PKP1: variants seen among roughly 807,000 people sequenced by gnomAD.
PKP1 encodes plakophilin-1.
Under a neutral mutation model 76.4 loss-of-function variants are expected in PKP1, and 27 were observed. The observed-to-expected ratio is 0.35, with a 90% CI of 0.26 to 0.49. PKP1 has a LOEUF of 0.49. Among genes scored for constraint, PKP1 ranks in the 20% least tolerant of loss-of-function variants. The pLI is 0.99. For missense variants in PKP1, 964 were observed against 955.2 expected, an observed-to-expected ratio of 1.01 and a Z score of -0.12; for synonymous variants, 404 against 384.2, an observed-to-expected ratio of 1.05 and a Z score of -0.60.
At chr1:201,308,344 C>CTCACAG (rs917551780) in intron 2 of PKP1, among the ~76,000 whole-genome samples, 10 of 152,356 alleles carry the variant, frequency 6.6e-5, no homozygotes, top group Admixed American at 5.9e-4. Context: ...AGCACAAATT[C>CTCACAG]TCACAGTCAC....
intron 12 of PKP1, 137 bp downstream of exon 12, chr1:201,325,975 T>C (rs1260668917): frequency 2.9e-6 from 2 of 694,570 alleles, no homozygotes; most frequent in Non-Finnish European, 5.3e-6. Context: ...AAAGACAGCG[T>C]CTACGTGAAA....
intron 1 of PKP1, among the ~76,000 whole-genome samples, chr1:201,285,077 G>A (rs981245474): frequency 6.6e-6 from 1 of 152,254 alleles, no homozygotes; most frequent in African/African-American, 2.4e-5. Flanking sequence ...GCTAAGTTTA[G>A]TAAAATGCTA....
chr1:201,293,929 C>A lies in PKP1; in HGVS notation c.203-13C>A. 6.3e-7 allele frequency: 1 copy of A among 1,586,458 alleles called. No individual in the cohort carries two copies. Among genetic ancestry groups the A allele is most frequent in the South Asian group, 1.1e-5 (1 of 89,298 alleles). ...TGGCCATCCCTGTCCTAATCCCCTCCTTTCTCCTCTAGGTTCCATGTATGA... is the reference window on the plus strand; with the variant it reads ...TGGCCATCCCTGTCCTAATCCCCTCATTTCTCCTCTAGGTTCCATGTATGA... On this transcript the variant is annotated splice_polypyrimidine_tract_variant and intron_variant, in intron 1 of 13. Transcript: ENST00000367324.
At chr1:201,297,348 C>T (rs938456804) in intron 2 of PKP1, among the ~76,000 whole-genome samples, 5 of 152,106 alleles carry the variant, frequency 3.3e-5, no homozygotes, top group Non-Finnish European at 7.3e-5. Context: ...AACCTCAGAG[C>T]CCCACAGACC....
At chr1:201,298,320 T>C (rs1452158906) in intron 2 of PKP1, among the ~76,000 whole-genome samples, 1 of 152,172 alleles carries the variant, frequency 6.6e-6, no homozygotes, top group African/African-American at 2.4e-5. Flanking sequence ...CTTGATCACA[T>C]GGGTTTGTCC....
intron 3 of PKP1, among the ~76,000 whole-genome samples, chr1:201,314,277 A>C (rs1453881614): frequency 1.3e-5 from 2 of 152,186 alleles, no homozygotes; most frequent in African/African-American, 2.4e-5. Flanking sequence ...CCTGAACAAC[A>C]TGATGAAACC....
chr1:201,300,197 G>A (rs1656186508), intron 2 of PKP1, among the ~76,000 whole-genome samples: 1 of 152,268 alleles, frequency 6.6e-6, no homozygotes, highest in African/African-American at 2.4e-5. Flanking sequence ...GTGAGCGGGA[G>A]CGGGCGGGCC....
Position 201,323,560 on chromosome 1 carries a change from G to A in PKP1, c.1680+371G>A, listed in dbSNP as rs571366578. 1.4e-4 allele frequency among the ~76,000 whole-genome samples: 22 copies of A among 152,332 alleles called. No individual in the cohort carries two copies. The South Asian group carries it at 1.4e-3, about 10-fold the overall frequency. ...TGTTGAACTGACAAAGGTGGAAAAAGAGGGTTTGGGGTCCAAGCAGGTCCA... is the reference window on the plus strand; with the variant it reads ...TGTTGAACTGACAAAGGTGGAAAAAAAGGGTTTGGGGTCCAAGCAGGTCCA... On this transcript the variant is annotated intron_variant, in intron 9 of 13. Coordinates refer to ENST00000367324, the MANE Select transcript of PKP1 (RefSeq NM_001005337.3).
intron 1 of PKP1, among the ~76,000 whole-genome samples, chr1:201,286,955 T>C (rs1655759263): frequency 6.6e-6 from 1 of 152,236 alleles, no homozygotes; most frequent in South Asian, 2.1e-4. Flanking sequence ...TCACTTGCCC[T>C]AACCCAAGCG....
chr1:201,294,122 C>T, intron 2 of PKP1, 77 bp downstream of exon 2: 1 of 950,122 alleles, frequency 1.1e-6, no homozygotes. Context: ...AGAAAACCGG[C>T]ACCAGTTGCT....
At chr1:201,304,949 T>A (rs931471603) in intron 2 of PKP1, among the ~76,000 whole-genome samples, 1 of 152,196 alleles carries the variant, frequency 6.6e-6, no homozygotes, top group African/African-American at 2.4e-5. Context: ...TGGGAGATAA[T>A]CACAAGGTGA....
chr1:201,285,220 C>CCACACACACACACACACACACACA (rs140683611), intron 1 of PKP1, among the ~76,000 whole-genome samples: 1 of 136,756 alleles, frequency 7.3e-6, no homozygotes, highest in Non-Finnish European at 1.6e-5. Flanking sequence ...GGCCCTTCCA[C>CCACACACACACACACACACACACA]CACACACACA....
intron 2 of PKP1, among the ~76,000 whole-genome samples, chr1:201,297,985 T>C (rs1656122705): frequency 6.6e-6 from 1 of 152,242 alleles, no homozygotes; most frequent in African/African-American, 2.4e-5. Context: ...TTATTTGCTG[T>C]TTATGTAAAA....
chr1:201,297,703 A>T (rs1189856883), intron 2 of PKP1, among the ~76,000 whole-genome samples: 1 of 152,162 alleles, frequency 6.6e-6, no homozygotes, highest in Non-Finnish European at 1.5e-5. Context: ...TTTGAACGTT[A>T]CAACTAAACA....
intron 2 of PKP1, among the ~76,000 whole-genome samples, chr1:201,295,370 C>A (rs558642888): frequency 2.0e-4 from 31 of 152,144 alleles, no homozygotes; most frequent in Middle Eastern, 3.4e-3. Flanking sequence ...TCGCTTTTTT[C>A]CTGATTCTTG....
At chr1:201,319,651 TGATGAGCCCACATTGCTTGGG>T (rs368841204) in intron 6 of PKP1, among the ~76,000 whole-genome samples, 1 of 152,300 alleles carries the variant, frequency 6.6e-6, no homozygotes, top group Middle Eastern at 3.4e-3. Context: ...TGCACCAGGC[TGATGAGCCCACATTGCTTGGG>T]GATGAGCCCA....
intron 6 of PKP1, 40 bp downstream of exon 6, chr1:201,318,835 T>TGGGGAAGGGCCCAAGGC: frequency 2.0e-6 from 3 of 1,526,048 alleles, no homozygotes; most frequent in Non-Finnish European, 2.7e-6. Context: ...TGTCCCAGCC[T>TGGGGAAGGGCCCAAGGC]TGGGCCCTTC....
chr1:201,320,996 G>A (rs972011437), intron 7 of PKP1, among the ~76,000 whole-genome samples: 3 of 152,190 alleles, frequency 2.0e-5, no homozygotes, highest in African/African-American at 7.2e-5. Context: ...AAGTTGTGGA[G>A]GGCAGATAAA....
Position 201,324,601 on chromosome 1 carries a change from T to C in PKP1, c.1834+20T>C. On this transcript the variant is annotated intron_variant, in intron 10 of 13. Transcript: ENST00000367324. ...TGATGGGTAAGGTCCCTCTCTCTCC[T>C]CCCCCTCTAGCTAAGACATGGCAGG... The C allele has an allele frequency of 6.2e-7, 1 of 1,612,950 alleles. No individual in the cohort carries two copies.
Sources: allele counts gnomAD v4.1 joint callset (sites outside exome capture counted in the v4.1 genomes callset), GRCh38; gene constraint gnomAD v4.1.1; transcripts MANE v1.5; gene names NCBI Gene and HGNC (gene_info 2026-07-23, HGNC 2026-07-21).